Variants in DLGAP2 observed in about 807,000 individuals in gnomAD.
DLGAP2 encodes the protein disks large-associated protein 2.
DLGAP2 carries 26 observed loss-of-function variants against 100.3 expected under a neutral mutation model. The observed-to-expected ratio is 0.26, with a 90% CI of 0.19 to 0.36. The LOEUF (loss-of-function observed/expected upper bound fraction) is 0.36, where lower values mean the gene tolerates loss of function less well. DLGAP2 is among the 10% of genes least tolerant of loss of function. The pLI, the probability that DLGAP2 is intolerant of heterozygous loss-of-function variation, is 1.00. For synonymous variants in DLGAP2, 886 were observed against 630.1 expected (o/e 1.41, Z -6.08); for missense variants, 1,858 against 1,453.2 (o/e 1.28, Z -4.53).
intron 2 of DLGAP2, among the ~76,000 whole-genome samples, chr8:1,171,144 G>A (rs1476294038): frequency 6.6e-6 from 1 of 152,202 alleles, no homozygotes; most frequent in Non-Finnish European, 1.5e-5. Context: ...TATGTACCCA[G>A]TAGTCCTTCA....
intron 1 of DLGAP2, among the ~76,000 whole-genome samples, chr8:797,833 C>G (rs1202502056): frequency 1.3e-5 from 2 of 152,136 alleles, no homozygotes; most frequent in Non-Finnish European, 2.9e-5. Flanking sequence ...TCACTGCAAC[C>G]TCCGCCTCCC....
chr8:1,148,123 C>T (rs541515304), intron 2 of DLGAP2, among the ~76,000 whole-genome samples: 1 of 152,266 alleles, frequency 6.6e-6, no homozygotes, highest in East Asian at 1.9e-4. Context: ...GGTATAATTA[C>T]AGATTTGATA....
rs114424856 is a variant in DLGAP2, at chr8:1,343,300, G to T, written c.106+84417G>T. ...GCCTGAGCCTCCAGGTGTCTCTCCC[G>T]TGGAGTCACACAGGCAGTGCTTAAT... is the stretch of plus-strand genomic sequence containing the variant. On this transcript the variant is annotated intron_variant, in intron 3 of 14. Coordinates refer to ENST00000637795, the MANE Select transcript of DLGAP2 (RefSeq NM_001346810.2). Among the ~76,000 whole-genome samples, 1,223 of 152,282 alleles carry T rather than the reference G, an allele frequency of 8.0e-3. 20 individuals are homozygous for T. Among genetic ancestry groups the T allele is most frequent in the African/African-American group, 0.028 (1,162 of 41,566 alleles).
intron 8 of DLGAP2, among the ~76,000 whole-genome samples, chr8:1,662,334 T>C (rs1424606127): frequency 1.3e-5 from 2 of 152,236 alleles, no homozygotes; most frequent in Non-Finnish European, 2.9e-5. Context: ...GGTATAATCT[T>C]TAAAATATCT....
At chr8:1,338,004 T>G (rs1172971758) in intron 3 of DLGAP2, among the ~76,000 whole-genome samples, 2 of 152,178 alleles carry the variant, frequency 1.3e-5, no homozygotes, top group Admixed American at 1.3e-4. Context: ...GCATTCCCAC[T>G]AGGACGGCTG....
intron 8 of DLGAP2, among the ~76,000 whole-genome samples, chr8:1,647,749 C>T (rs1195976157): frequency 6.6e-6 from 1 of 152,128 alleles, no homozygotes; most frequent in Non-Finnish European, 1.5e-5. Context: ...CATTGCATGC[C>T]GGCTGCTATA....
rs181523458 is a variant in DLGAP2, at chr8:1,172,344, A to C, written c.74-86507A>C. Among the ~76,000 whole-genome samples the C allele has an allele frequency of 3.4e-4, 52 of 151,936 alleles. 2 individuals are homozygous for C. In the East Asian group the frequency reaches 6.4e-3, roughly 19 times the overall value. On this transcript the variant is annotated intron_variant, in intron 2 of 14. Transcript: ENST00000637795. ...TTTTCCTTCATTTCCACTTTGGTGA[A>C]TCTGACCATTATGTGTCTTGGAGTT...
Position 1,697,182 on chromosome 8 carries a change from C to A in DLGAP2, c.2832C>A (p.Asp944Glu). 6.2e-7 allele frequency: 1 copy of A among 1,607,820 alleles called. No homozygotes were observed. Among genetic ancestry groups the A allele is most frequent in the Non-Finnish European group, 8.5e-7 (1 of 1,176,322 alleles). ...CCATGCCGAGGCCGACGTCGCAGGA[C>A]CTGGCCGGCTACTGGGACATGCTGC... ...PSAMPRPTSQDLAGYWDMLQL... is the reference protein window; with the variant it reads ...PSAMPRPTSQELAGYWDMLQL... The change falls in exon 14 of 15, where the codon GAC becomes GAA. Residue 944 changes from aspartate (D) to glutamate (E), a missense_variant. By Grantham distance (45) the Asp-to-Glu change is conservative (BLOSUM62 2). Transcript: ENST00000637795.
chr8:967,852 A>T (rs1336341484), intron 2 of DLGAP2, among the ~76,000 whole-genome samples: 3 of 80,226 alleles, frequency 3.7e-5, no homozygotes, highest in Admixed American at 1.1e-4. Context: ...ATATATATAT[A>T]TATATATATA....
chr8:1,025,493 TA>T (rs1035466789), intron 2 of DLGAP2, among the ~76,000 whole-genome samples: 3 of 152,188 alleles, frequency 2.0e-5, no homozygotes, highest in African/African-American at 7.2e-5. Flanking sequence ...ATAAATACAC[TA>T]AAAGAAGCAC....
chr8:880,890 A>C (rs1797776621), intron 1 of DLGAP2, among the ~76,000 whole-genome samples: 1 of 152,218 alleles, frequency 6.6e-6, no homozygotes, highest in Non-Finnish European at 1.5e-5. Context: ...TCCATGCATA[A>C]ACATAATGCC....
chr8:1,258,063 G>T (rs1039288949), intron 2 of DLGAP2, among the ~76,000 whole-genome samples: 1 of 152,224 alleles, frequency 6.6e-6, no homozygotes, highest in Non-Finnish European at 1.5e-5. Context: ...CAAAGTGTTT[G>T]TGTCTATTCT....
At chr8:1,634,178 T>A (rs1236251748) in intron 8 of DLGAP2, among the ~76,000 whole-genome samples, 3 of 152,250 alleles carry the variant, frequency 2.0e-5, no homozygotes, top group Non-Finnish European at 4.4e-5. Flanking sequence ...ACTCTTGGTT[T>A]CTGCGGTATT....
At chr8:759,625 G>A (rs185825563) in intron 1 of DLGAP2, among the ~76,000 whole-genome samples, 2 of 152,184 alleles carry the variant, frequency 1.3e-5, no homozygotes, top group South Asian at 2.1e-4. Context: ...GGACTGGGAC[G>A]GGTGTGCATA....
intron 2 of DLGAP2, among the ~76,000 whole-genome samples, chr8:1,159,846 C>A (rs1322523718): frequency 6.6e-6 from 1 of 152,182 alleles, no homozygotes; most frequent in Non-Finnish European, 1.5e-5. Context: ...ACACAGCCCC[C>A]GCAGGGGTGT....
chr8:1,077,906 C>T (rs192321169), intron 2 of DLGAP2, among the ~76,000 whole-genome samples: 102 of 152,318 alleles, frequency 6.7e-4, no homozygotes, highest in African/African-American at 2.2e-3. Flanking sequence ...AGTTCTCCAG[C>T]GGCCGCCGCA....
chr8:1,428,469 G>A (rs755638411), intron 3 of DLGAP2, among the ~76,000 whole-genome samples: 3 of 152,056 alleles, frequency 2.0e-5, no homozygotes, highest in Non-Finnish European at 2.9e-5. Context: ...TACAAAAGAG[G>A]GGAAAGCTAC....
intron 1 of DLGAP2, among the ~76,000 whole-genome samples, chr8:848,330 G>T (rs1260053672): frequency 1.3e-5 from 2 of 151,914 alleles, no homozygotes; most frequent in African/African-American, 4.8e-5. Flanking sequence ...GGATCGTGCG[G>T]TGCGTGTTCC....
chr8:1,431,863 G>A (rs990294182), intron 3 of DLGAP2, among the ~76,000 whole-genome samples: 3 of 152,110 alleles, frequency 2.0e-5, no homozygotes, highest in African/African-American at 4.8e-5. Flanking sequence ...GAACCCTGCC[G>A]GCACCCAGCA....
Sources: gnomAD v4.1 joint callset for allele counts (sites outside exome capture counted in the v4.1 genomes callset) on GRCh38, gnomAD v4.1.1 for gene constraint, MANE v1.5 for transcripts, NCBI Gene and HGNC (gene_info 2026-07-23, HGNC 2026-07-21) for gene names.